Variants in SERPINB12 observed in about 807,000 individuals in gnomAD.
SERPINB12 encodes serpin B12.
A neutral mutation model predicts 41.1 loss-of-function variants in SERPINB12; 57 were observed. The ratio of observed to expected loss-of-function variants is 1.39; its 90% CI spans 1.12 to 1.73. SERPINB12 has a LOEUF of 1.73. Ranked by LOEUF, SERPINB12 falls within the 40% of genes most tolerant of loss-of-function variation. The pLI, the probability that SERPINB12 is intolerant of heterozygous loss-of-function variation, is 0.00. For missense variants in SERPINB12, 536 were observed against 501.9 expected (o/e 1.07, Z -0.65); for synonymous variants, 180 against 181.3 (o/e 0.99, Z 0.06).
intron 1 of SERPINB12, among the ~76,000 whole-genome samples, chr18:63,554,720 T>G (rs1910620138): frequency 6.6e-6 from 1 of 152,204 alleles, no homozygotes; most frequent in South Asian, 2.1e-4. Context: ...ACTCTGGTTC[T>G]ATATTATCTG....
the SERPINB12 span, among the ~76,000 whole-genome samples, chr18:63,525,737 A>C: frequency 6.6e-6 from 1 of 152,192 alleles, no homozygotes; most frequent in African/African-American, 2.4e-5. Flanking sequence ...TGAAAACTGC[A>C]ATATTCAACA....
At chr18:63,520,146 A>G in the SERPINB12 span, among the ~76,000 whole-genome samples, 1 of 152,302 alleles carries the variant, frequency 6.6e-6, no homozygotes, top group East Asian at 1.9e-4. Flanking sequence ...GACAGGTTCC[A>G]TGAGTAACCT....
At chr18:63,522,652 G>C in the SERPINB12 span, among the ~76,000 whole-genome samples, 146 of 152,224 alleles carry the variant, frequency 9.6e-4, no homozygotes, top group African/African-American at 3.4e-3. Context: ...CTTTAAAGTT[G>C]AGGAAAATTT....
chr18:63,550,611 A>C (rs1910500114), intron 1 of SERPINB12, among the ~76,000 whole-genome samples: 1 of 152,340 alleles, frequency 6.6e-6, no homozygotes, highest in East Asian at 1.9e-4. Context: ...CAACCAAAAA[A>C]GGAACCAGTA....
chr18:63,519,751 A>G, the SERPINB12 span, among the ~76,000 whole-genome samples: 1,667 of 152,232 alleles, frequency 0.011, 27 homozygotes, highest in African/African-American at 0.037. Context: ...TCATTCTAGG[A>G]GTCCTAAAAA....
intron 1 of SERPINB12, among the ~76,000 whole-genome samples, chr18:63,551,513 C>A (rs1347534175): frequency 6.6e-6 from 1 of 151,714 alleles, no homozygotes; most frequent in Admixed American, 6.6e-5. Context: ...TTAGTAGAAA[C>A]GGGGTTTCAC....
At chr18:63,565,982 A>G (rs945603075) in intron 7 of SERPINB12, among the ~76,000 whole-genome samples, 1 of 152,190 alleles carries the variant, frequency 6.6e-6, no homozygotes, top group Non-Finnish European at 1.5e-5. Context: ...TTAAAGAATT[A>G]ACTGAATACT....
chr18:63,528,019 T>G, the SERPINB12 span, among the ~76,000 whole-genome samples: 1,392 of 152,188 alleles, frequency 9.1e-3, 27 homozygotes, highest in African/African-American at 0.031. Context: ...CCTATTGCCA[T>G]GTAAGACGTG....
chr18:63,533,111 G>C, the SERPINB12 span, among the ~76,000 whole-genome samples: 3 of 151,894 alleles, frequency 2.0e-5, no homozygotes, highest in Non-Finnish European at 4.4e-5. Flanking sequence ...CTGAATAGCT[G>C]GGATTACAGG....
the SERPINB12 span, among the ~76,000 whole-genome samples, chr18:63,528,882 C>A: frequency 6.6e-6 from 1 of 152,010 alleles, no homozygotes; most frequent in South Asian, 2.1e-4. Context: ...CAGTCTTATA[C>A]CAAAAGAGAA....
At chr18:63,546,348 T>C (rs559886175) in intron 1 of SERPINB12, among the ~76,000 whole-genome samples, 1 of 152,308 alleles carries the variant, frequency 6.6e-6, no homozygotes, top group Admixed American at 6.5e-5. Flanking sequence ...AACACGATTG[T>C]AGAGTGCTAG....
the SERPINB12 span, among the ~76,000 whole-genome samples, chr18:63,521,578 T>G: frequency 7.4e-4 from 113 of 152,300 alleles, 2 homozygotes; most frequent in African/African-American, 2.5e-3. Flanking sequence ...TGGGCCAGCA[T>G]TAGTCTGCTA....
the SERPINB12 span, among the ~76,000 whole-genome samples, chr18:63,535,366 G>A: frequency 2.0e-5 from 3 of 152,132 alleles, no homozygotes; most frequent in Admixed American, 2.0e-4. Context: ...AAAGGAACAT[G>A]ATATGCCTCC....
intron 1 of SERPINB12, among the ~76,000 whole-genome samples, chr18:63,543,955 T>A (rs1910328458): frequency 1.3e-5 from 2 of 152,196 alleles, no homozygotes; most frequent in African/African-American, 4.8e-5. Context: ...ATGTTTCTTG[T>A]TAGCATATTA....
chr18:63,519,700 C>A, the SERPINB12 span, among the ~76,000 whole-genome samples: 5 of 152,128 alleles, frequency 3.3e-5, no homozygotes, highest in African/African-American at 1.2e-4. Flanking sequence ...GAGTTGGTAA[C>A]TTTGCCATGT....
chr18:63,519,348 G>A, the SERPINB12 span, among the ~76,000 whole-genome samples: 1 of 152,132 alleles, frequency 6.6e-6, no homozygotes, highest in Admixed American at 6.5e-5. Flanking sequence ...TGAATCCCAG[G>A]GCAGCTGAGA....
intron 3 of SERPINB12, among the ~76,000 whole-genome samples, chr18:63,559,055 T>TTTC (rs1239221749): frequency 1.1e-5 from 1 of 91,562 alleles, no homozygotes; most frequent in African/African-American, 3.0e-5. Flanking sequence ...TCTTTCTTTC[T>TTTC]TTCTCTCCTT....
At chr18:63,563,181 G>T (rs546922699) in intron 5 of SERPINB12, among the ~76,000 whole-genome samples, 1 of 152,190 alleles carries the variant, frequency 6.6e-6, no homozygotes, top group Non-Finnish European at 1.5e-5. Flanking sequence ...ATGAGAAAGA[G>T]CATATAAAAG....
chr18:63,561,682 A>G (rs887230943), intron 5 of SERPINB12, among the ~76,000 whole-genome samples: 5 of 152,258 alleles, frequency 3.3e-5, no homozygotes, highest in Non-Finnish European at 1.5e-5. Flanking sequence ...AATGTGGTAC[A>G]TATACACCAT....
Sources: gnomAD v4.1 joint callset for allele counts (sites outside exome capture counted in the v4.1 genomes callset) on GRCh38, gnomAD v4.1.1 for gene constraint, MANE v1.5 for transcripts, NCBI Gene and HGNC (gene_info 2026-07-23, HGNC 2026-07-21) for gene names.